The following TMEM132B variants were observed in gnomAD, a reference collection of about 807,000 sequenced individuals.
TMEM132B encodes the protein transmembrane protein 132B.
Under a neutral mutation model 90.8 loss-of-function variants are expected in TMEM132B, and 18 were observed. That is an observed-to-expected ratio of 0.20 (90% confidence interval 0.14 to 0.29). The LOEUF is 0.29. TMEM132B is among the 10% of genes least tolerant of loss of function. The probability of loss-of-function intolerance (pLI) is 1.00; values close to 1 mark genes in which losing one functional copy is unlikely to be tolerated. For synonymous variants in TMEM132B, 504 were observed against 523.3 expected (o/e 0.96, Z 0.50); for missense variants, 1,096 against 1,326.8 (o/e 0.83, Z 2.70).
chr12:125,268,321 A>G (rs1162536650), intron 1 of TMEM132B, among the ~76,000 whole-genome samples: 1 of 152,240 alleles, frequency 6.6e-6, no homozygotes, highest in Non-Finnish European at 1.5e-5. Flanking sequence ...CTGAGAATTT[A>G]TCATTCAGAG....
At chr12:125,575,873 A>G (rs1884930409) in intron 4 of TMEM132B, among the ~76,000 whole-genome samples, 1 of 152,112 alleles carries the variant, frequency 6.6e-6, no homozygotes, top group Non-Finnish European at 1.5e-5. Flanking sequence ...TCTGCTGAAA[A>G]TGAGAGAATT....
chr12:125,282,023 G>A (rs1188542016), intron 1 of TMEM132B, among the ~76,000 whole-genome samples: 2 of 63,362 alleles, frequency 3.2e-5, no homozygotes, highest in Non-Finnish European at 5.9e-5. Context: ...GGGAGACTCC[G>A]TCTCAAAAAA....
rs1566042553 is a variant in TMEM132B at position 125,458,354 on chromosome 12, A to G, written c.1106+42677A>G. Reference sequence around the variant, plus strand: ...GCCAGACTGGTCCCCTACCTCTGCCATAAACAACTTGGAGCTTGAATAGAA... The same window carrying G: ...GCCAGACTGGTCCCCTACCTCTGCCGTAAACAACTTGGAGCTTGAATAGAA... On this transcript the variant is annotated intron_variant, in intron 3 of 8. Transcript: ENST00000682704. The surrounding 1 kb of genome is among the most constrained non-coding windows in gnomAD (Gnocchi z 4.9). Among the ~76,000 whole-genome samples the G allele has an allele frequency of 6.6e-6, 1 of 152,168 alleles. No homozygotes were observed.
intron 1 of TMEM132B, among the ~76,000 whole-genome samples, chr12:125,319,619 C>T (rs1373622802): frequency 2.0e-5 from 3 of 152,324 alleles, no homozygotes; most frequent in Admixed American, 6.5e-5. Context: ...CTCAGGGCTG[C>T]GCTGGGCTTC....
intron 1 of TMEM132B, among the ~76,000 whole-genome samples, chr12:125,219,325 T>G (rs1410388236): frequency 6.6e-6 from 1 of 152,176 alleles, no homozygotes; most frequent in African/African-American, 2.4e-5. Flanking sequence ...AAGGAGAGCA[T>G]CTGGGGGACC....
At chr12:125,515,833 G>A (rs965777368) in intron 3 of TMEM132B, among the ~76,000 whole-genome samples, 16 of 142,054 alleles carry the variant, frequency 1.1e-4, no homozygotes, top group African/African-American at 4.5e-4. Flanking sequence ...CACACATTCT[G>A]TCACACACAC....
chr12:125,361,790 A>G (rs1483776395), intron 2 of TMEM132B, among the ~76,000 whole-genome samples: 2 of 152,132 alleles, frequency 1.3e-5, no homozygotes, highest in African/African-American at 2.4e-5. Flanking sequence ...TTCTCTCCCA[A>G]TTGCATTGGA....
intron 4 of TMEM132B, among the ~76,000 whole-genome samples, chr12:125,559,745 A>G (rs903556023): frequency 1.3e-5 from 2 of 152,148 alleles, no homozygotes; most frequent in African/African-American, 4.8e-5. Context: ...AAATTGCTGA[A>G]GTCAGTTATG....
chr12:125,590,562 A>G (rs1885292775), intron 5 of TMEM132B, among the ~76,000 whole-genome samples: 1 of 152,188 alleles, frequency 6.6e-6, no homozygotes, highest in African/African-American at 2.4e-5. Context: ...AAAGACTTGG[A>G]CCTGATCCTA....
chr12:125,608,389 A>G (rs538587067), intron 5 of TMEM132B, among the ~76,000 whole-genome samples: 2 of 152,306 alleles, frequency 1.3e-5, no homozygotes, highest in Non-Finnish European at 1.5e-5. Context: ...AAAAATGTCT[A>G]TTGAGGTCCT....
intron 1 of TMEM132B, among the ~76,000 whole-genome samples, chr12:125,272,588 C>T (rs117528634): frequency 2.6e-5 from 4 of 152,180 alleles, no homozygotes; most frequent in East Asian, 1.9e-4. Context: ...AAAATAAACT[C>T]GAGTTGGCAC....
rs1210094840 is a variant in TMEM132B at position 125,213,649 on chromosome 12, C to T, written c.67+26783C>T. Among the ~76,000 whole-genome samples the T allele has an allele frequency of 6.6e-6, 1 of 152,242 alleles. No individual in the cohort carries two copies. Among genetic ancestry groups the T allele is most frequent in the Non-Finnish European group, 1.5e-5 (1 of 68,040 alleles). ...TACTGTGTGATTTTTCTGTCTAGCA[C>T]TTATCACTATCTGAATGAGTCTCCC... On this transcript the variant is annotated intron_variant, in intron 1 of 8. Transcript: ENST00000682704. The surrounding 1 kb of genome is among the most constrained non-coding windows in gnomAD (Gnocchi z 4.2).
intron 4 of TMEM132B, among the ~76,000 whole-genome samples, chr12:125,571,121 T>A (rs1229752242): frequency 1.3e-5 from 2 of 152,164 alleles, no homozygotes; most frequent in African/African-American, 2.4e-5. Flanking sequence ...AATGCGATTG[T>A]TAGGTTTGTT....
intron 5 of TMEM132B, among the ~76,000 whole-genome samples, chr12:125,641,587 C>T (rs1167268071): frequency 6.6e-6 from 1 of 152,090 alleles, no homozygotes; most frequent in Non-Finnish European, 1.5e-5. Flanking sequence ...TTGCTAAGCC[C>T]TCTTACTTTG....
chr12:125,200,709 G>A (rs1271943187), intron 1 of TMEM132B, among the ~76,000 whole-genome samples: 1 of 152,210 alleles, frequency 6.6e-6, no homozygotes, highest in Non-Finnish European at 1.5e-5. Context: ...TGACATCTGA[G>A]GAGATTGAGT....
At chr12:125,286,323 C>G (rs955713124) in intron 1 of TMEM132B, among the ~76,000 whole-genome samples, 2 of 152,198 alleles carry the variant, frequency 1.3e-5, no homozygotes, top group African/African-American at 2.4e-5. Flanking sequence ...TGGCACAGAA[C>G]TAAGCCCTGC....
intron 4 of TMEM132B, among the ~76,000 whole-genome samples, chr12:125,529,024 C>A (rs1410214507): frequency 6.8e-6 from 1 of 147,978 alleles, no homozygotes; most frequent in Non-Finnish European, 1.5e-5. Context: ...TCTTCCCCCT[C>A]CTTCTTCCTC....
At chr12:125,642,337 A>G (rs368770308) in intron 5 of TMEM132B, among the ~76,000 whole-genome samples, 1 of 152,218 alleles carries the variant, frequency 6.6e-6, no homozygotes, top group Admixed American at 6.5e-5. Context: ...TGCCTCAAAC[A>G]TGCTCTAAAA....
chr12:125,310,276 C>G (rs577219665), intron 1 of TMEM132B, among the ~76,000 whole-genome samples: 4 of 152,224 alleles, frequency 2.6e-5, no homozygotes, highest in Non-Finnish European at 5.9e-5. Context: ...TTCCTGCACA[C>G]GTGTCCAGCC....
Sources: allele counts gnomAD v4.1 joint callset (sites outside exome capture counted in the v4.1 genomes callset), GRCh38; gene constraint gnomAD v4.1.1; non-coding constraint Gnocchi (gnomAD v3.1); transcripts MANE v1.5; gene names NCBI Gene and HGNC (gene_info 2026-07-23, HGNC 2026-07-21).